PTPRG: variants seen among roughly 807,000 people sequenced by gnomAD.
PTPRG encodes protein tyrosine phosphatase receptor type G, also known as receptor-type tyrosine-protein phosphatase gamma.
PTPRG carries 102 observed loss-of-function variants against 165.3 expected under a neutral mutation model. The ratio of observed to expected loss-of-function variants is 0.62; its 90% CI spans 0.53 to 0.73. The LOEUF is 0.73. Ranked by LOEUF, PTPRG falls within the 30% of genes least tolerant of loss-of-function variation. The pLI, the probability that PTPRG is intolerant of heterozygous loss-of-function variation, is 0.00. For missense variants in PTPRG, 1,866 were observed against 1,861.4 expected, an observed-to-expected ratio of 1.00 and a Z score of -0.05; for synonymous variants, 675 against 669.5, an observed-to-expected ratio of 1.01 and a Z score of -0.13.
rs1700605863 is a variant in PTPRG, at chr3:62,219,779, A to AG, written c.2288+797dup. ...CAATTTTGAGCCCACACTTTGTGCC[A>AG]GTCTTCTAGACACAAATGATTTCTG... On this transcript the variant is annotated intron_variant, in intron 13 of 29. Transcript: ENST00000474889. The surrounding 1 kb of genome is among the most constrained non-coding windows in gnomAD (Gnocchi z 4.5). Among the ~76,000 whole-genome samples the AG allele has an allele frequency of 6.6e-6, 1 of 152,242 alleles. No homozygotes were observed. The highest frequency in any genetic ancestry group is 6.5e-5 in the Admixed American group (1 of 15,292).
At chr3:62,093,275 C>G (rs1476061718) in intron 5 of PTPRG, among the ~76,000 whole-genome samples, 1 of 152,176 alleles carries the variant, frequency 6.6e-6, no homozygotes, top group Non-Finnish European at 1.5e-5. Flanking sequence ...AGGCCATACT[C>G]TGGGGACTCT....
At chr3:62,031,336 G>A (rs1044270473) in intron 4 of PTPRG, among the ~76,000 whole-genome samples, 1 of 152,194 alleles carries the variant, frequency 6.6e-6, no homozygotes, top group African/African-American at 2.4e-5. Context: ...ATATAGAGGA[G>A]TTGGATAGGA....
chr3:61,842,340 C>T (rs918134868), intron 2 of PTPRG, among the ~76,000 whole-genome samples: 1 of 152,164 alleles, frequency 6.6e-6, no homozygotes, highest in Non-Finnish European at 1.5e-5. Flanking sequence ...TACACACAAA[C>T]ACATTTATAT....
intron 4 of PTPRG, among the ~76,000 whole-genome samples, chr3:62,010,560 T>A (rs1367816348): frequency 6.6e-6 from 1 of 152,088 alleles, no homozygotes; most frequent in Non-Finnish European, 1.5e-5. Flanking sequence ...TTTCCTGTGT[T>A]GCCCAGGCTG....
rs1209488293 is a variant in PTPRG, at chr3:62,201,502, C to T, written c.1328-3C>T. The T allele has an allele frequency of 6.2e-7, 1 of 1,600,754 alleles. No homozygotes were observed. The highest frequency in any genetic ancestry group is 1.3e-5 in the African/African-American group (1 of 74,738). ...GCTTAAATGTAATTTCTTTGTTTCT[C>T]AGCTAATACCACTCGAATATTCCAA... On this transcript the variant is annotated splice_polypyrimidine_tract_variant and splice_region_variant and intron_variant, in intron 10 of 29. Coordinates refer to ENST00000474889, the MANE Select transcript of PTPRG (RefSeq NM_002841.4).
At chr3:61,943,497 G>C (rs1342514826) in intron 2 of PTPRG, among the ~76,000 whole-genome samples, 1 of 152,192 alleles carries the variant, frequency 6.6e-6, no homozygotes, top group Non-Finnish European at 1.5e-5. Flanking sequence ...AGAATCGCTT[G>C]AACCCAGGAG....
At chr3:61,935,995 T>A (rs1183789019) in intron 2 of PTPRG, among the ~76,000 whole-genome samples, 5 of 152,154 alleles carry the variant, frequency 3.3e-5, no homozygotes, top group Non-Finnish European at 7.3e-5. Context: ...TCATGAATGG[T>A]ATTACTACCC....
At chr3:61,914,920 A>G (rs571249991) in intron 2 of PTPRG, among the ~76,000 whole-genome samples, 94 of 152,346 alleles carry the variant, frequency 6.2e-4, no homozygotes, top group African/African-American at 2.2e-3. Flanking sequence ...TTTTTAAAGC[A>G]TATCTATTAC....
At chr3:61,964,279 C>A (rs1044941499) in intron 2 of PTPRG, among the ~76,000 whole-genome samples, 1 of 152,124 alleles carries the variant, frequency 6.6e-6, no homozygotes, top group Non-Finnish European at 1.5e-5. Flanking sequence ...ATAACATAAA[C>A]CATGACTTGG....
chr3:62,160,146 A>T (rs9883190), intron 7 of PTPRG, among the ~76,000 whole-genome samples: 1,548 of 152,334 alleles, frequency 0.01, 30 homozygotes, highest in African/African-American at 0.036. Context: ...GTCATCCAGC[A>T]TGGGTGCCTG....
intron 2 of PTPRG, among the ~76,000 whole-genome samples, chr3:61,814,387 A>G (rs1456369531): frequency 6.6e-6 from 1 of 152,198 alleles, no homozygotes; most frequent in Non-Finnish European, 1.5e-5. Context: ...GAACAGCTGG[A>G]AGGACAGACT....
chr3:62,167,923 T>G, intron 7 of PTPRG, 48 bp from the exon 8 acceptor site: 1 of 1,521,470 alleles, frequency 6.6e-7, no homozygotes, highest in Non-Finnish European at 9.0e-7. Context: ...ATGTGTGTTT[T>G]TTGTGTTGTT....
intron 8 of PTPRG, among the ~76,000 whole-genome samples, chr3:62,186,642 C>T (rs1413593476): frequency 6.9e-6 from 1 of 145,816 alleles, no homozygotes; most frequent in Non-Finnish European, 1.5e-5. Context: ...TCAAAGCTCA[C>T]GGCAACCTTC....
intron 2 of PTPRG, among the ~76,000 whole-genome samples, chr3:61,860,830 T>A (rs1051301958): frequency 2.6e-5 from 4 of 152,154 alleles, no homozygotes; most frequent in Admixed American, 2.0e-4. Flanking sequence ...TTTATACTTT[T>A]CCCAGGGTGT....
rs1365527268 is a variant in PTPRG, at chr3:61,736,223, A to T, written c.86-12655A>T. On this transcript the variant is annotated intron_variant, in intron 1 of 29. Transcript: ENST00000474889. ...GCACCCGGCCATTTTTTTTTTTTTT[A>T]ATTTTTTAATCATCACTGACATAAG... Among the ~76,000 whole-genome samples the T allele has an allele frequency of 2.9e-3, 412 of 142,874 alleles. 3 individuals are homozygous for T. The highest frequency in any genetic ancestry group is 9.6e-3 in the African/African-American group (364 of 38,014). The allele number at this position is 142,874 out of a possible 152,430, so 93.7% of individuals were successfully genotyped here.
At position 61,562,255 on chromosome 3, in the gene PTPRG, C is replaced by G. The variant is rs757594772; in HGVS notation, c.-33C>G. On this transcript the variant is annotated 5_prime_UTR_variant, in exon 1 of 30. Coordinates refer to ENST00000474889, the MANE Select transcript of PTPRG (RefSeq NM_002841.4). ...GAACTTATTCAACAAGTTTACCTCC[C>G]TGCTTTCCTCTTTTCGATGTGCGTT... is the stretch of plus-strand genomic sequence containing the variant. 3.1e-6 allele frequency: 5 copies of G among 1,597,008 alleles called. No homozygotes were observed. The highest frequency in any genetic ancestry group is 2.2e-5 in the East Asian group (1 of 44,752).
chr3:62,248,568 G>GA (rs1701341881), intron 15 of PTPRG, among the ~76,000 whole-genome samples: 1 of 151,928 alleles, frequency 6.6e-6, no homozygotes, highest in Admixed American at 6.6e-5. Flanking sequence ...ATATTCTTTT[G>GA]AAAAAACAAA....
chr3:62,049,271 A>G (rs1256365261), intron 4 of PTPRG, among the ~76,000 whole-genome samples: 1 of 152,162 alleles, frequency 6.6e-6, no homozygotes, highest in Non-Finnish European at 1.5e-5. Flanking sequence ...ACCACAGATT[A>G]TGCATGCCAC....
At chr3:61,978,401 A>G (rs2040558001) in intron 2 of PTPRG, among the ~76,000 whole-genome samples, 1 of 152,272 alleles carries the variant, frequency 6.6e-6, no homozygotes, top group South Asian at 2.1e-4. Flanking sequence ...ATACTTTTAT[A>G]TATTTATTTT....
Sources: gnomAD v4.1 joint callset for allele counts (sites outside exome capture counted in the v4.1 genomes callset) on GRCh38, gnomAD v4.1.1 for gene constraint, Gnocchi (gnomAD v3.1) non-coding constraint, MANE v1.5 for transcripts, NCBI Gene and HGNC (gene_info 2026-07-23, HGNC 2026-07-21) for gene names.